PTPN22: variants seen among roughly 807,000 people sequenced by gnomAD.
PTPN22 encodes tyrosine-protein phosphatase non-receptor type 22.
Under a neutral mutation model 103.3 loss-of-function variants are expected in PTPN22, and 85 were observed. That is an observed-to-expected ratio of 0.82 (90% confidence interval 0.69 to 0.99). The LOEUF is 0.99. Ranked by LOEUF, PTPN22 falls within the 50% of genes least tolerant of loss-of-function variation. The pLI is 0.00. For missense variants in PTPN22, 865 were observed against 936.9 expected (o/e 0.92, Z 1.00); for synonymous variants, 323 against 310.2 (o/e 1.04, Z -0.43).
At chr1:113,829,374 T>C (rs1184419032) in intron 18 of PTPN22, among the ~76,000 whole-genome samples, 3 of 152,180 alleles carry the variant, frequency 2.0e-5, no homozygotes, top group African/African-American at 7.2e-5. Flanking sequence ...TAGTACCCAA[T>C]AGGTATTTTT....
chr1:113,853,859 CTTTTTTTTT>C (rs894010114), intron 9 of PTPN22, among the ~76,000 whole-genome samples: 13 of 67,170 alleles, frequency 1.9e-4, no homozygotes, highest in African/African-American at 6.6e-4. Context: ...TTTTTTTTTG[CTTTTTTTTT>C]TTTTTTTTTT....
In PTPN22 at chr1:113,834,327, C is replaced by T. The variant is rs747992952; in HGVS notation, c.2007G>A (p.Val669=). Residue 669 remains valine (V), a synonymous_variant, in exon 15 of 21, where the codon GTG becomes GTA. Transcript: ENST00000359785. ...TATTGACCTTGCTTGGTCTAAGTAT[C>T]ACAGAGTCATCAAATTTCTTTGGTT... The T allele has an allele frequency of 1.1e-5, 17 of 1,614,012 alleles. No homozygotes were observed. The Admixed American group carries it at 2.8e-4, about 27-fold the overall frequency.
chr1:113,819,195 A>G (rs557297412), intron 20 of PTPN22: 1 of 153,670 alleles, frequency 6.5e-6, no homozygotes, highest in African/African-American at 2.4e-5. Flanking sequence ...CTACTATTGA[A>G]TTAGTTATAT....
chr1:113,830,110 ATT>A, intron 16 of PTPN22, 81 bp from the exon 17 acceptor site: 1 of 993,334 alleles, frequency 1.0e-6, no homozygotes, highest in Non-Finnish European at 1.5e-6. Context: ...TCTTTGTATA[ATT>A]TTTTAATCAA....
At chr1:113,852,162 C>T in intron 9 of PTPN22, 58 bp from the exon 10 acceptor site, 3 of 1,301,402 alleles carry the variant, frequency 2.3e-6, no homozygotes, top group South Asian at 1.2e-5. Context: ...ATTATTGCTA[C>T]TTTTTCATAG....
At chr1:113,856,289 A>C (rs1447465731) in intron 7 of PTPN22, 93 bp downstream of exon 7, 1 of 1,425,878 alleles carries the variant, frequency 7.0e-7, no homozygotes, top group East Asian at 2.5e-5. Context: ...ACCACTTCCC[A>C]TTGTCTTATG....
At chr1:113,853,042 G>A (rs1435904638) in intron 9 of PTPN22, among the ~76,000 whole-genome samples, 5 of 152,030 alleles carry the variant, frequency 3.3e-5, no homozygotes, top group Admixed American at 1.3e-4. Context: ...GGGTTCAAGC[G>A]ATTCTCCTGC....
At chr1:113,851,625 C>T (rs1429472494) in intron 10 of PTPN22, among the ~76,000 whole-genome samples, 2 of 152,108 alleles carry the variant, frequency 1.3e-5, no homozygotes, top group Admixed American at 1.3e-4. Flanking sequence ...GTTACCACAT[C>T]CTGGGTAGAA....
intron 9 of PTPN22, among the ~76,000 whole-genome samples, chr1:113,854,240 A>G (rs1289167996): frequency 6.6e-6 from 1 of 152,160 alleles, no homozygotes; most frequent in African/African-American, 2.4e-5. Flanking sequence ...AGCCCAATAT[A>G]TATTGCATTT....
intron 13 of PTPN22, among the ~76,000 whole-genome samples, chr1:113,835,893 C>T (rs1376442718): frequency 1.3e-5 from 2 of 151,656 alleles, no homozygotes; most frequent in Non-Finnish European, 1.5e-5. Flanking sequence ...TGGCACATGA[C>T]GATATTGTTA....
chr1:113,869,538 G>A (rs1306706659), intron 1 of PTPN22, among the ~76,000 whole-genome samples: 1 of 151,906 alleles, frequency 6.6e-6, no homozygotes, highest in African/African-American at 2.4e-5. Context: ...AGGATTACAG[G>A]TGCCTGCCAC....
exon 21 of PTPN22, chr1:113,813,832 T>TA (rs1660972432): frequency 6.6e-6 from 1 of 152,304 alleles, no homozygotes; most frequent in African/African-American, 2.4e-5. Context: ...ACCAAAAAGT[T>TA]TATTGAGTGT....
At position 113,825,126 on chromosome 1, in the gene PTPN22, A is replaced by G. The variant is rs772727565; in HGVS notation, c.2281+16T>C. On this transcript the variant is annotated intron_variant, in intron 19 of 20. Transcript: ENST00000359785. ...AATTGAGAAAACGATATTTTTAAAC[A>G]TAAGTACCAACTTACTCTTTTTCAT... is the stretch of plus-strand genomic sequence containing the variant. 1.4e-5 allele frequency: 21 copies of G among 1,462,440 alleles called. No homozygotes were observed. Among genetic ancestry groups the G allele is most frequent in the Middle Eastern group, 1.8e-4 (1 of 5,658 alleles). The allele number at this position is 1,462,440 out of a possible 1,614,324, so 90.6% of individuals were successfully genotyped here.
In PTPN22 at chr1:113,861,280, G is replaced by A. The variant is rs188174175; in HGVS notation, c.88-1820C>T. Among the ~76,000 whole-genome samples the A allele has an allele frequency of 2.0e-3, 303 of 151,670 alleles. 2 individuals are homozygous for A. The highest frequency in any genetic ancestry group is 3.6e-3 in the Non-Finnish European group (242 of 67,938). ...TTTTGAGACAAAGTCTTGCTCTATC[G>A]CCCAGGCTGGAGTGCAGTGGCATGA... On this transcript the variant is annotated intron_variant, in intron 1 of 20. Coordinates refer to ENST00000359785, the Ensembl canonical transcript of PTPN22.
In PTPN22 at chr1:113,855,024, T is replaced by C; in HGVS notation, c.566A>G (p.His189Arg). ...ATCATGGTCTGGCCAATTCTTGTAA[T>C]GAAACTGGTAGATAGTTCGAGTTTC... The change falls in exon 8 of 21, where the codon CAT becomes CGT. Residue 189 changes from histidine to arginine, a missense_variant. Coordinates refer to ENST00000359785, the Ensembl canonical transcript of PTPN22. The C allele has an allele frequency of 5.6e-6, 9 of 1,611,086 alleles. No homozygotes were observed. The highest frequency in any genetic ancestry group is 1.1e-5 in the South Asian group (1 of 91,010).
At chr1:113,824,723 G>T (rs1661897147) in intron 19 of PTPN22, among the ~76,000 whole-genome samples, 1 of 152,058 alleles carries the variant, frequency 6.6e-6, no homozygotes, top group African/African-American at 2.4e-5. Flanking sequence ...CATTGGCCGG[G>T]TGCAGTGGCT....
In PTPN22 at chr1:113,834,498, G is replaced by A. The variant is rs182173238; in HGVS notation, c.1895-59C>T. ...AATAGTATTCTTTTAGACATCAAAT[G>A]TTGCTCAGCAAATAATACATAAAAC... On this transcript the variant is annotated intron_variant, in intron 14 of 20. Transcript: ENST00000359785. 3 of 1,512,468 alleles carry A rather than the reference G, an allele frequency of 2.0e-6. No homozygotes were observed. The Admixed American group carries it at 5.1e-5, about 26-fold the overall frequency. 93.7% of individuals were successfully genotyped at this position (1,512,468 alleles called of 1,614,324 possible).
chr1:113,846,677 G>C (rs901276575), intron 11 of PTPN22, among the ~76,000 whole-genome samples: 15 of 152,032 alleles, frequency 9.9e-5, no homozygotes, highest in African/African-American at 3.6e-4. Flanking sequence ...TTCTTCATCT[G>C]AGAATGTCTT....
chr1:113,821,248 T>G (rs1245291956), intron 19 of PTPN22, among the ~76,000 whole-genome samples: 1 of 152,156 alleles, frequency 6.6e-6, no homozygotes, highest in Non-Finnish European at 1.5e-5. Context: ...ATTCCACACA[T>G]ATATATCAGA....
Sources: gnomAD v4.1 joint callset for allele counts (sites outside exome capture counted in the v4.1 genomes callset) on GRCh38, gnomAD v4.1.1 for gene constraint, MANE v1.5 for transcripts, NCBI Gene and HGNC (gene_info 2026-07-23, HGNC 2026-07-21) for gene names.